Variants in KITLG observed in about 807,000 individuals in gnomAD.
KITLG encodes KIT ligand.
A neutral mutation model predicts 34.1 loss-of-function variants in KITLG; 13 were observed. The observed-to-expected ratio is 0.38, with a 90% CI of 0.25 to 0.61. KITLG has a LOEUF of 0.61. Among genes scored for constraint, KITLG ranks in the 20% least tolerant of loss-of-function variants. KITLG has a pLI of 0.60. For missense variants in KITLG, 292 were observed against 318.9 expected (o/e 0.92, Z 0.64); for synonymous variants, 110 against 104.0 (o/e 1.06, Z -0.35).
intron 1 of KITLG, among the ~76,000 whole-genome samples, chr12:88,548,931 C>T (rs903653322): frequency 2.6e-5 from 4 of 152,102 alleles, no homozygotes; most frequent in Non-Finnish European, 4.4e-5. Context: ...CCAGAGATTG[C>T]AGTATGGGTG....
At chr12:88,571,029 G>T (rs1871633133) in intron 1 of KITLG, among the ~76,000 whole-genome samples, 1 of 152,266 alleles carries the variant, frequency 6.6e-6, no homozygotes, top group African/African-American at 2.4e-5. Flanking sequence ...TTTGCTAAGG[G>T]TGTTTATGAG....
At chr12:88,506,943 C>A in intron 7 of KITLG, 85 bp downstream of exon 7, 1 of 843,722 alleles carries the variant, frequency 1.2e-6, no homozygotes, top group Middle Eastern at 3.3e-4. Flanking sequence ...TCACTGTTTT[C>A]TTAAAGGATC....
At chr12:88,500,337 G>C (rs143329142) in intron 9 of KITLG, among the ~76,000 whole-genome samples, 14 of 152,318 alleles carry the variant, frequency 9.2e-5, no homozygotes, top group Admixed American at 9.2e-4. Flanking sequence ...ATCTAGAACT[G>C]TGTTGAATTC....
intron 1 of KITLG, among the ~76,000 whole-genome samples, chr12:88,577,810 C>T (rs567673723): frequency 4.6e-4 from 70 of 152,218 alleles, no homozygotes; most frequent in Admixed American, 2.0e-3. Context: ...CTTAGCTTGA[C>T]GGAAAGGCCA....
At position 88,493,777 on chromosome 12, in the gene KITLG, C is replaced by T. The variant is rs971129418; in HGVS notation, c.*3442G>A. On this transcript the variant is annotated 3_prime_UTR_variant, in exon 10 of 10. Transcript: ENST00000644744. ...TTACACACATCTTATAGTTTCTCAT[C>T]CTGACTAATATGACTAAAACGTACT... 1.3e-5 allele frequency: 2 copies of T among 151,900 alleles called. No homozygotes were observed. Among genetic ancestry groups the T allele is most frequent in the African/African-American group, 4.8e-5 (2 of 41,408 alleles). 9.4% of individuals were successfully genotyped at this position (151,900 alleles called of 1,614,324 possible). A position where few individuals can be genotyped will look rare whatever the true frequency, so the allele number is the denominator to read the frequency against.
intron 2 of KITLG, among the ~76,000 whole-genome samples, chr12:88,540,836 GA>G (rs1218656654): frequency 6.6e-6 from 1 of 151,910 alleles, no homozygotes; most frequent in Non-Finnish European, 1.5e-5. Context: ...TTTAAATAGA[GA>G]AAGAATTTTC....
chr12:88,529,016 ACAAAGAAATT>A (rs752855826), intron 3 of KITLG, among the ~76,000 whole-genome samples: 15 of 152,344 alleles, frequency 9.8e-5, no homozygotes, highest in Non-Finnish European at 1.6e-4. Context: ...TGTTCCTAAC[ACAAAGAAATT>A]GTAAAGTTGA....
At chr12:88,560,578 A>G (rs1226671222) in intron 1 of KITLG, among the ~76,000 whole-genome samples, 1 of 152,192 alleles carries the variant, frequency 6.6e-6, no homozygotes, top group Non-Finnish European at 1.5e-5. Flanking sequence ...TATAAAAGTG[A>G]GGCAAAAATT....
intron 6 of KITLG, 52 bp from the exon 7 acceptor site, chr12:88,507,189 T>C (rs1189488588): frequency 2.3e-5 from 26 of 1,148,974 alleles, no homozygotes; most frequent in Non-Finnish European, 3.2e-5. Flanking sequence ...TCTAGAAGTT[T>C]TGCTCTTATG....
chr12:88,529,118 A>G (rs1869985172), intron 3 of KITLG, among the ~76,000 whole-genome samples: 1 of 152,202 alleles, frequency 6.6e-6, no homozygotes, highest in Non-Finnish European at 1.5e-5. Context: ...CCCCATAAAT[A>G]TACACAACTC....
chr12:88,546,729 T>C (rs117130996), intron 1 of KITLG, among the ~76,000 whole-genome samples: 2 of 152,160 alleles, frequency 1.3e-5, no homozygotes, highest in African/African-American at 4.8e-5. Flanking sequence ...TAAAAATATA[T>C]CCTGATGCTC....
At chr12:88,563,840 T>C (rs1297150671) in intron 1 of KITLG, among the ~76,000 whole-genome samples, 1 of 152,060 alleles carries the variant, frequency 6.6e-6, no homozygotes, top group Non-Finnish European at 1.5e-5. Context: ...TGGGCACCTG[T>C]AATCCCAGCT....
chr12:88,538,976 G>A lies in KITLG; in HGVS notation c.130-6473C>T, dbSNP rs533559106. 3.3e-5 allele frequency among the ~76,000 whole-genome samples: 5 copies of A among 152,254 alleles called. No homozygotes were observed. The East Asian group carries it at 9.7e-4, about 29-fold the overall frequency. ...TGATTGACCATGTCCAGTGACACTG[G>A]AAAAACATCCATGGGAGAACAGCAT... is the stretch of plus-strand genomic sequence containing the variant. On this transcript the variant is annotated intron_variant, in intron 2 of 9. Coordinates refer to ENST00000644744, the MANE Select transcript of KITLG (RefSeq NM_000899.5).
chr12:88,506,352 T>A lies in KITLG; in HGVS notation c.741A>T (p.Ala247=), dbSNP rs148557053. The change falls in exon 8 of 10, where the codon GCA becomes GCT. Residue 247 remains alanine (A), a synonymous_variant. Coordinates refer to ENST00000644744, the MANE Select transcript of KITLG (RefSeq NM_000899.5). The part of the protein sequence containing the change: ...WKKRQPSLTR[A]VENIQINEED... ...CTTCATTAATTTGTATATTTTCAAC[T>A]GCCCTTGTAAGACTTGGCTGTCTCT... The A allele has an allele frequency of 2.5e-6, 4 of 1,610,316 alleles. No individual in the cohort carries two copies. The highest frequency in any genetic ancestry group is 1.7e-4 in the Middle Eastern group (1 of 6,052).
At chr12:88,534,178 T>C (rs980176917) in intron 2 of KITLG, among the ~76,000 whole-genome samples, 2 of 152,190 alleles carry the variant, frequency 1.3e-5, no homozygotes, top group Admixed American at 6.5e-5. Context: ...TTGACTAAGG[T>C]CACACAGCCA....
chr12:88,506,411 TA>T, intron 7 of KITLG, 33 bp from the exon 8 acceptor site: 1 of 1,434,174 alleles, frequency 7.0e-7, no homozygotes. Context: ...TACTGTAAAA[TA>T]ATCAATGAAT....
chr12:88,506,258 G>T, intron 8 of KITLG, 53 bp downstream of exon 8: 2 of 1,222,888 alleles, frequency 1.6e-6, no homozygotes, highest in Non-Finnish European at 2.4e-6. Context: ...TACACAGTGT[G>T]TGAAATGGCA....
intron 1 of KITLG, among the ~76,000 whole-genome samples, chr12:88,578,170 T>G (rs1871893274): frequency 1.3e-5 from 2 of 152,170 alleles, no homozygotes; most frequent in South Asian, 2.1e-4. Context: ...TCTAATCCCC[T>G]CCTCCATTTC....
chr12:88,579,995 G>A (rs1871962260), intron 1 of KITLG: 1 of 586,198 alleles, frequency 1.7e-6, no homozygotes, highest in Admixed American at 3.0e-5. Context: ...GGGAATTACG[G>A]TTTCCGACTG....
Sources: allele counts gnomAD v4.1 joint callset (sites outside exome capture counted in the v4.1 genomes callset), GRCh38; gene constraint gnomAD v4.1.1; transcripts MANE v1.5; gene names NCBI Gene and HGNC (gene_info 2026-07-23, HGNC 2026-07-21).